Variants in MAGI2 observed in about 807,000 individuals in gnomAD.
MAGI2 encodes membrane associated guanylate kinase, WW and PDZ domain containing 2.
A neutral mutation model predicts 133.3 loss-of-function variants in MAGI2; 35 were observed. The observed-to-expected ratio is 0.26, with a 90% CI of 0.20 to 0.35. The LOEUF (loss-of-function observed/expected upper bound fraction) is 0.35, where lower values mean the gene tolerates loss of function less well. Among genes scored for constraint, MAGI2 ranks in the 10% least tolerant of loss-of-function variants. MAGI2 has a pLI of 1.00. For synonymous variants in MAGI2, 729 were observed against 710.6 expected, an observed-to-expected ratio of 1.03 and a Z score of -0.41; for missense variants, 1,636 against 1,863.4, an observed-to-expected ratio of 0.88 and a Z score of 2.25.
intron 2 of MAGI2, among the ~76,000 whole-genome samples, chr7:78,727,665 T>A (rs1273325297): frequency 6.6e-6 from 1 of 152,240 alleles, no homozygotes; most frequent in African/African-American, 2.4e-5. Context: ...ACTTTTTAAA[T>A]GTGAATGGTA....
chr7:78,677,075 T>G (rs1815125657), intron 2 of MAGI2, among the ~76,000 whole-genome samples: 1 of 152,090 alleles, frequency 6.6e-6, no homozygotes, highest in Admixed American at 6.6e-5. Context: ...TTCCTTTCTT[T>G]TCTCTAATTT....
At chr7:79,025,293 C>A (rs1188306558) in intron 1 of MAGI2, among the ~76,000 whole-genome samples, 2 of 152,058 alleles carry the variant, frequency 1.3e-5, no homozygotes, top group Non-Finnish European at 2.9e-5. Context: ...TAAGTGGAGG[C>A]TAAACATTGA....
chr7:78,251,712 A>C (rs1157165431), intron 10 of MAGI2: 1 of 152,246 alleles, frequency 6.6e-6, no homozygotes, highest in East Asian at 1.9e-4. Flanking sequence ...AGAGAAATTA[A>C]AGATCCAAAT....
intron 1 of MAGI2, among the ~76,000 whole-genome samples, chr7:79,319,557 A>G (rs916130716): frequency 1.3e-5 from 2 of 152,132 alleles, no homozygotes; most frequent in African/African-American, 4.8e-5. Context: ...GAATGTTGAC[A>G]TAATAGGTGG....
rs1554404831 is a variant in MAGI2, at chr7:78,018,221, A to G, written c.*1094T>C. On this transcript the variant is annotated 3_prime_UTR_variant, in exon 22 of 22. Coordinates refer to ENST00000354212, the MANE Select transcript of MAGI2 (RefSeq NM_012301.4). ...AAGGATAAGCAGAAAGGAATGCTAA[A>G]AAGACTCACGTTCTTTAATGAAAAT... is the stretch of plus-strand genomic sequence containing the variant. The G allele has an allele frequency of 6.6e-6, 1 of 152,626 alleles. No individual in the cohort carries two copies. Among genetic ancestry groups the G allele is most frequent in the East Asian group, 1.9e-4 (1 of 5,204 alleles). The allele number at this position is 152,626 out of a possible 1,614,324, so 9.5% of individuals were successfully genotyped here.
intron 1 of MAGI2, among the ~76,000 whole-genome samples, chr7:79,142,867 G>A (rs1822269068): frequency 6.6e-6 from 1 of 152,132 alleles, no homozygotes; most frequent in South Asian, 2.1e-4. Context: ...AAGTTTCCAT[G>A]CGATAAATAG....
chr7:79,191,398 C>CTTTCTTTTTTTTTTTTTTTTTTTTTTT (rs1827646068), intron 1 of MAGI2, among the ~76,000 whole-genome samples: 1 of 45,514 alleles, frequency 2.2e-5, no homozygotes, highest in African/African-American at 8.3e-5. Flanking sequence ...TTTTCTTTTT[C>CTTTCTTTTTTTTTTTTTTTTTTTTTTT]TTTCTTTTTT....
chr7:78,747,353 A>G (rs753979943), intron 2 of MAGI2, among the ~76,000 whole-genome samples: 19 of 152,154 alleles, frequency 1.2e-4, no homozygotes, highest in Non-Finnish European at 2.6e-4. Context: ...AGAGTCATAT[A>G]AGAAATGCAT....
intron 1 of MAGI2, among the ~76,000 whole-genome samples, chr7:79,030,002 C>T (rs554818818): frequency 6.6e-6 from 1 of 152,298 alleles, no homozygotes; most frequent in East Asian, 1.9e-4. Flanking sequence ...GCATGTGGCA[C>T]ATTAGCCTCC....
intron 11 of MAGI2, among the ~76,000 whole-genome samples, chr7:78,198,904 T>C (rs1828986976): frequency 6.6e-6 from 1 of 152,216 alleles, no homozygotes; most frequent in Non-Finnish European, 1.5e-5. Flanking sequence ...GAGAACTCAC[T>C]ATTTTAGCAT....
chr7:79,237,179 C>G (rs1196212773), intron 1 of MAGI2, among the ~76,000 whole-genome samples: 1 of 152,206 alleles, frequency 6.6e-6, no homozygotes, highest in African/African-American at 2.4e-5. Context: ...TACAAACTCA[C>G]AAAATATTTT....
intron 6 of MAGI2, among the ~76,000 whole-genome samples, chr7:78,443,862 G>GAACA (rs1787866032): frequency 6.6e-6 from 1 of 152,140 alleles, no homozygotes; most frequent in South Asian, 2.1e-4. Flanking sequence ...ACGAGAGGAA[G>GAACA]AACATGACCT....
intron 1 of MAGI2, among the ~76,000 whole-genome samples, chr7:79,256,265 G>T (rs6953771): frequency 0.61 from 93,108 of 151,944 alleles, 29,678 homozygotes; most frequent in Non-Finnish European, 0.7. Flanking sequence ...GTATGTGAAA[G>T]TGTTACTACA....
chr7:78,792,888 C>T (rs893367517), intron 2 of MAGI2, among the ~76,000 whole-genome samples: 3 of 152,156 alleles, frequency 2.0e-5, no homozygotes, highest in East Asian at 3.9e-4. Flanking sequence ...AGAAAATGTG[C>T]CTGAGTTAGA....
At chr7:78,536,165 T>A (rs1190092510) in intron 3 of MAGI2, among the ~76,000 whole-genome samples, 1 of 117,372 alleles carries the variant, frequency 8.5e-6, no homozygotes, top group Non-Finnish European at 1.6e-5. Flanking sequence ...CAGGCTGGAG[T>A]GCAGTGGCGG....
chr7:78,647,081 T>C (rs77803389), intron 2 of MAGI2, among the ~76,000 whole-genome samples: 274 of 152,254 alleles, frequency 1.8e-3, no homozygotes, highest in African/African-American at 6.5e-3. Flanking sequence ...TCTAGGAATT[T>C]ATCATAAAAA....
chr7:79,216,389 C>A (rs1049755935), intron 1 of MAGI2, among the ~76,000 whole-genome samples: 1 of 151,920 alleles, frequency 6.6e-6, no homozygotes, highest in African/African-American at 2.4e-5. Flanking sequence ...GGATGCCAGA[C>A]AAGGGCTTCG....
intron 1 of MAGI2, among the ~76,000 whole-genome samples, chr7:79,198,764 T>C (rs1329357437): frequency 6.6e-6 from 1 of 151,976 alleles, no homozygotes; most frequent in Non-Finnish European, 1.5e-5. Context: ...AGTGGGTGCC[T>C]GTAATACCAG....
At chr7:78,085,776 C>A (rs112832119) in intron 20 of MAGI2, among the ~76,000 whole-genome samples, 138 of 152,244 alleles carry the variant, frequency 9.1e-4, no homozygotes, top group African/African-American at 3.2e-3. Flanking sequence ...TGAAAGGCTG[C>A]TGCAGGATTC....
Sources: gnomAD v4.1 joint callset for allele counts (sites outside exome capture counted in the v4.1 genomes callset) on GRCh38, gnomAD v4.1.1 for gene constraint, MANE v1.5 for transcripts, NCBI Gene and HGNC (gene_info 2026-07-23, HGNC 2026-07-21) for gene names.